Variants in XYLT1 observed in about 807,000 individuals in gnomAD.
The protein encoded by XYLT1 is beta-D-xylosyltransferase 1.
Under a neutral mutation model 91.3 loss-of-function variants are expected in XYLT1, and 36 were observed. That is an observed-to-expected ratio of 0.39 (90% CI 0.30 to 0.52). The LOEUF (loss-of-function observed/expected upper bound fraction) is 0.52, where lower values mean the gene tolerates loss of function less well. Among genes scored for constraint, XYLT1 ranks in the 20% least tolerant of loss-of-function variants. The pLI is 0.68. For synonymous variants in XYLT1, 588 were observed against 532.0 expected (o/e 1.11, Z -1.45); for missense variants, 1,242 against 1,284.5 (o/e 0.97, Z 0.51).
rs1567215936 is a variant in XYLT1 at position 17,470,722 on chromosome 16, C to G, written c.75G>C (p.Leu25=). Residue 25 remains leucine, a synonymous_variant, in exon 1 of 12, where the codon CTG becomes CTC. Coordinates refer to ENST00000261381, the MANE Select transcript of XYLT1 (RefSeq NM_022166.4). ...HSALLAALTV[L]LLQTLVVWNF... ...TCCACACGACCAGCGTCTGCAGCAG[C>G]AGCACCGTGAGCGCCGCGAGCAGCG... 4.3e-6 allele frequency: 5 copies of G among 1,153,996 alleles called. No individual in the cohort carries two copies. Among genetic ancestry groups the G allele is most frequent in the East Asian group, 8.1e-5 (1 of 12,338 alleles). 71.5% of individuals were successfully genotyped at this position (1,153,996 alleles called of 1,614,324 possible).
At chr16:17,159,002 T>G (rs2031484810) in intron 5 of XYLT1, 93 bp from the exon 6 acceptor site, 1 of 1,073,082 alleles carries the variant, frequency 9.3e-7, no homozygotes, top group Non-Finnish European at 1.4e-6. Flanking sequence ...GTCAGTCTGC[T>G]TGAAGCACCT....
At chr16:17,280,991 G>A (rs2034047747) in intron 2 of XYLT1, among the ~76,000 whole-genome samples, 1 of 152,212 alleles carries the variant, frequency 6.6e-6, no homozygotes, top group Admixed American at 6.5e-5. Context: ...CCACACGGGA[G>A]ATACTGGTTT....
intron 11 of XYLT1, among the ~76,000 whole-genome samples, chr16:17,114,009 A>G (rs1437740851): frequency 6.6e-6 from 1 of 151,046 alleles, no homozygotes; most frequent in Non-Finnish European, 1.5e-5. Context: ...GGGCATCCCT[A>G]TGCCATGGGG....
chr16:17,191,229 A>T (rs893147067), intron 5 of XYLT1, among the ~76,000 whole-genome samples: 1 of 152,172 alleles, frequency 6.6e-6, no homozygotes, highest in East Asian at 1.9e-4. Context: ...TAATGCTAGG[A>T]ATGTACGAAG....
intron 10 of XYLT1, among the ~76,000 whole-genome samples, chr16:17,121,018 A>T (rs995464533): frequency 4.6e-5 from 7 of 152,054 alleles, no homozygotes; most frequent in Admixed American, 2.0e-4. Context: ...TCTGTTAATC[A>T]ATCTATGTAT....
Position 17,470,945 on chromosome 16 carries a change from C to A in XYLT1, c.-149G>T, listed in dbSNP as rs888828705. On this transcript the variant is annotated 5_prime_UTR_variant, in exon 1 of 12. Transcript: ENST00000261381. The stretch of plus-strand genomic sequence containing the variant: ...GCCCCCCTCCCCACACCCCTGTCCC[C>A]GCTGGAGGGGAGGGTGATGGGGAAG... 1 of 146,904 alleles carries A rather than the reference C, an allele frequency of 6.8e-6. No homozygotes were observed. Among genetic ancestry groups the A allele is most frequent in the Non-Finnish European group, 1.5e-5 (1 of 65,722 alleles). 9.1% of individuals were successfully genotyped at this position (146,904 alleles called of 1,614,324 possible).
chr16:17,346,568 A>G (rs1567385459), intron 2 of XYLT1, among the ~76,000 whole-genome samples: 1 of 152,162 alleles, frequency 6.6e-6, no homozygotes, highest in East Asian at 1.9e-4. Flanking sequence ...AAATTTAAAA[A>G]TCTTCCTGAG....
intron 1 of XYLT1, chr16:17,403,431 G>T (rs896799873): frequency 6.6e-6 from 1 of 152,324 alleles, no homozygotes; most frequent in African/African-American, 2.4e-5. Context: ...AGAAAAAAAG[G>T]TTTAATGGAC....
chr16:17,217,177 G>T (rs926062992), intron 3 of XYLT1, among the ~76,000 whole-genome samples: 1 of 152,146 alleles, frequency 6.6e-6, no homozygotes, highest in Non-Finnish European at 1.5e-5. Flanking sequence ...GCCTCAGGCC[G>T]GGGCTCTGAT....
Position 17,263,359 on chromosome 16 carries a change from G to A in XYLT1, c.403-3861C>T, listed in dbSNP as rs1369812653. On this transcript the variant is annotated intron_variant, in intron 2 of 11. Coordinates refer to ENST00000261381, the MANE Select transcript of XYLT1 (RefSeq NM_022166.4). ...GGCTAATGTGTAATATCAGGAAGAG[G>A]CACCACCATTGATTCTGATGGGACT... 5.9e-5 allele frequency among the ~76,000 whole-genome samples: 9 copies of A among 152,068 alleles called. No homozygotes were observed. The South Asian group carries it at 1.2e-3, about 21-fold the overall frequency.
At chr16:17,452,334 G>A (rs1257805466) in intron 1 of XYLT1, among the ~76,000 whole-genome samples, 2 of 148,046 alleles carry the variant, frequency 1.4e-5, no homozygotes, top group Non-Finnish European at 3.0e-5. Flanking sequence ...TTAGTAACAG[G>A]GTCTCAGGCC....
chr16:17,377,159 AGAGT>A (rs1309791857), intron 1 of XYLT1, among the ~76,000 whole-genome samples: 9 of 152,102 alleles, frequency 5.9e-5, no homozygotes, highest in African/African-American at 2.2e-4. Context: ...CCTAGGTGAC[AGAGT>A]GAGACTCTGC....
At chr16:17,144,674 A>G (rs1229470663) in intron 6 of XYLT1, among the ~76,000 whole-genome samples, 2 of 152,240 alleles carry the variant, frequency 1.3e-5, no homozygotes, top group African/African-American at 4.8e-5. Flanking sequence ...AAGGTCATAC[A>G]TTTTTAATAA....
chr16:17,220,285 A>C (rs893819714), intron 3 of XYLT1, among the ~76,000 whole-genome samples: 1 of 152,206 alleles, frequency 6.6e-6, no homozygotes, highest in Non-Finnish European at 1.5e-5. Flanking sequence ...ACAATGCATC[A>C]GTGGGTAGGA....
At chr16:17,150,798 A>G (rs2031263541) in intron 6 of XYLT1, among the ~76,000 whole-genome samples, 1 of 152,240 alleles carries the variant, frequency 6.6e-6, no homozygotes, top group Admixed American at 6.5e-5. Context: ...GGGTAATGAT[A>G]GAAAATAAAG....
At chr16:17,336,386 A>G (rs1273709885) in intron 2 of XYLT1, among the ~76,000 whole-genome samples, 3 of 152,198 alleles carry the variant, frequency 2.0e-5, no homozygotes, top group Non-Finnish European at 4.4e-5. Flanking sequence ...CATTTCCTCC[A>G]TGATGGTGAG....
chr16:17,411,059 T>C (rs770342884), intron 1 of XYLT1, among the ~76,000 whole-genome samples: 17 of 152,244 alleles, frequency 1.1e-4, no homozygotes, highest in Non-Finnish European at 2.1e-4. Context: ...CCCTCGAACC[T>C]GCCTGCCTGG....
intron 1 of XYLT1, among the ~76,000 whole-genome samples, chr16:17,372,034 C>T (rs2035541194): frequency 6.6e-6 from 1 of 152,168 alleles, no homozygotes; most frequent in Non-Finnish European, 1.5e-5. Flanking sequence ...ATTCTTGGTA[C>T]TAATTTCAAA....
intron 3 of XYLT1, among the ~76,000 whole-genome samples, chr16:17,244,773 A>G (rs76073244): frequency 0.11 from 16,068 of 152,234 alleles, 1,064 homozygotes; most frequent in Admixed American, 0.15. Context: ...ATGTCCCTCA[A>G]TAGGGGAATG....
Sources: gnomAD v4.1 joint callset for allele counts (sites outside exome capture counted in the v4.1 genomes callset) on GRCh38, gnomAD v4.1.1 for gene constraint, MANE v1.5 for transcripts, NCBI Gene and HGNC (gene_info 2026-07-23, HGNC 2026-07-21) for gene names.